Variants in SLC9A7 observed in about 807,000 individuals in gnomAD.
The protein encoded by SLC9A7 is sodium/hydrogen exchanger 7.
Under a neutral mutation model 52.6 loss-of-function variants are expected in SLC9A7, and 19 were observed. That is an observed-to-expected ratio of 0.36 (90% CI 0.25 to 0.53). SLC9A7 has a LOEUF of 0.53. Ranked by LOEUF, SLC9A7 falls within the 20% of genes least tolerant of loss-of-function variation. The probability of loss-of-function intolerance (pLI) is 0.91; values close to 1 mark genes in which losing one functional copy is unlikely to be tolerated. For missense variants in SLC9A7, 455 were observed against 597.9 expected, an observed-to-expected ratio of 0.76 and a Z score of 2.49; for synonymous variants, 226 against 252.1, an observed-to-expected ratio of 0.90 and a Z score of 0.98.
intron 7 of SLC9A7, among the ~76,000 whole-genome samples, chrX:46,657,152 C>T (rs935082473): frequency 9.1e-6 from 1 of 110,286 alleles, no homozygotes; most frequent in African/African-American, 3.3e-5. Context: ...AAATAAAATA[C>T]TTTATAGACA....
Position 46,662,093 on chromosome X carries a change from T to TA in SLC9A7, c.963dup (p.Lys322Ter). ...ATACCTAGAAAAATGCCAACTGACTTAAAAAAGGCAGCAGCATCAAAGGCG... is the reference window on the plus strand; with the variant it reads ...ATACCTAGAAAAATGCCAACTGACTTAAAAAAAGGCAGCAGCATCAAAGGCG... On this transcript the variant is annotated frameshift_variant, in exon 7 of 17. Transcript: ENST00000616978. LOFTEE classifies it high-confidence loss of function. 1 of 1,208,159 alleles carries TA rather than the reference T, an allele frequency of 8.3e-7. No individual in the cohort carries two copies. Among genetic ancestry groups the TA allele is most frequent in the Non-Finnish European group, 1.1e-6 (1 of 893,220 alleles).
chrX:46,651,474 G>C lies in SLC9A7; in HGVS notation c.1148-70C>G, dbSNP rs770229593. 37 of 888,678 alleles carry C rather than the reference G, an allele frequency of 4.2e-5. No individual in the cohort carries two copies. In the African/African-American group the frequency reaches 7.1e-4, roughly 17 times the overall value. The allele number at this position is 888,678 out of a possible 1,213,427, so 73.2% of individuals were successfully genotyped here. ...GCAGGGGAAAAAAAAAACCCTGCTA[G>C]AACAAAAAGTTAAGGTAGGCAAGCC... On this transcript the variant is annotated intron_variant, in intron 8 of 16. Transcript: ENST00000616978.
chrX:46,653,641 G>A lies in SLC9A7; in HGVS notation c.1115C>T (p.Thr372Met). 1 of 1,210,083 alleles carries A rather than the reference G, an allele frequency of 8.3e-7. No individual in the cohort carries two copies. Among genetic ancestry groups the A allele is most frequent in the Non-Finnish European group, 1.1e-6 (1 of 894,432 alleles). Reference sequence around the variant, plus strand: ...TCCGCAGGCTTCTGCCAAGAGAAACGTGCTCCAGGACATGAGGAAGAACAG... The same window carrying A: ...TCCGCAGGCTTCTGCCAAGAGAAACATGCTCCAGGACATGAGGAAGAACAG... ...TALFFLMSWS[T>M]FLLAEACGFT... is the part of the protein sequence containing the mutation. Residue 372 changes from threonine (T) to methionine (M), a missense_variant, in exon 8 of 17, where the codon ACG becomes ATG. By Grantham distance (81) the Thr-to-Met change is moderately conservative. This residue lies in a region of SLC9A7 where 304 missense variants were observed against 417.8 expected (regional missense o/e 0.73). Transcript: ENST00000616978.
chrX:46,725,876 T>C (rs1286154228), intron 1 of SLC9A7: 1 of 452,423 alleles, frequency 2.2e-6, no homozygotes, highest in Non-Finnish European at 4.0e-6. Context: ...CACTTATTTC[T>C]TATGAGGAAA....
intron 1 of SLC9A7, among the ~76,000 whole-genome samples, chrX:46,683,823 A>G (rs1228547542): frequency 8.9e-6 from 1 of 112,518 alleles, no homozygotes; most frequent in East Asian, 2.8e-4. Flanking sequence ...ACAGAATGAT[A>G]TATTTGCTTC....
intron 3 of SLC9A7, among the ~76,000 whole-genome samples, chrX:46,675,108 T>C (rs1427768695): frequency 2.1e-5 from 2 of 96,148 alleles, no homozygotes; most frequent in Non-Finnish European, 4.0e-5. Context: ...TGTGTGTGTG[T>C]GTGTGTGTGT....
chrX:46,753,499 T>C (rs1477253412), intron 1 of SLC9A7, among the ~76,000 whole-genome samples: 1 of 112,069 alleles, frequency 8.9e-6, no homozygotes, highest in Non-Finnish European at 1.9e-5. Flanking sequence ...AAAGGACATC[T>C]CAAAACACCT....
intron 10 of SLC9A7, among the ~76,000 whole-genome samples, chrX:46,650,097 C>T (rs1943558068): frequency 8.9e-6 from 1 of 112,327 alleles, no homozygotes; most frequent in Non-Finnish European, 1.9e-5. Context: ...TTGCATTAGG[C>T]CACTGTCACT....
At chrX:46,633,066 A>G (rs12014547) in intron 13 of SLC9A7, among the ~76,000 whole-genome samples, 6 of 109,264 alleles carry the variant, frequency 5.5e-5, no homozygotes, top group Middle Eastern at 4.7e-3. Flanking sequence ...AACACTGGGC[A>G]ATGGGGGAAA....
chrX:46,637,607 G>A (rs746018355), intron 12 of SLC9A7, among the ~76,000 whole-genome samples: 8 of 111,399 alleles, frequency 7.2e-5, no homozygotes, highest in South Asian at 3.8e-4. Flanking sequence ...CCACCATTTC[G>A]TGTGTGTTAC....
rs761375678 is a variant in SLC9A7 at position 46,604,792 on chromosome X, T to C, written c.*2160A>G. 1 of 112,601 alleles carries C rather than the reference T, an allele frequency of 8.9e-6. No individual in the cohort carries two copies. The highest frequency in any genetic ancestry group is 2.8e-4 in the East Asian group (1 of 3,622). 9.3% of individuals were successfully genotyped at this position (112,601 alleles called of 1,213,427 possible). A position where few individuals can be genotyped will look rare whatever the true frequency, so the allele number is the denominator to read the frequency against. On this transcript the variant is annotated 3_prime_UTR_variant, in exon 17 of 17. Transcript: ENST00000616978. ...CTCCTGTTTTTACAAAATGGTCGAA[T>C]ATCAGCAAACTCATATGGCTCAACC...
chrX:46,748,364 A>AAAGG (rs57555325), intron 1 of SLC9A7, among the ~76,000 whole-genome samples: 3,931 of 51,170 alleles, frequency 0.077, 260 homozygotes, highest in East Asian at 0.2. Flanking sequence ...AAAAAGAAAG[A>AAAGG]AAGGAAGGAA....
chrX:46,682,250 G>T, intron 2 of SLC9A7, 86 bp downstream of exon 2: 2 of 908,941 alleles, frequency 2.2e-6, no homozygotes, highest in Non-Finnish European at 3.2e-6. Flanking sequence ...CCAGGAGTTT[G>T]GAAGGATTTC....
intron 8 of SLC9A7, 61 bp from the exon 9 acceptor site, chrX:46,651,465 A>C (rs1487516276): frequency 5.4e-5 from 51 of 943,833 alleles, no homozygotes; most frequent in Non-Finnish European, 7.2e-5. Flanking sequence ...GAAAAAAAAA[A>C]CCCTGCTAGA....
chrX:46,710,292 G>A (rs756335151), intron 1 of SLC9A7, among the ~76,000 whole-genome samples: 1 of 112,067 alleles, frequency 8.9e-6, no homozygotes, highest in South Asian at 3.7e-4. Context: ...TGGGAAGACA[G>A]AAGGACTGCC....
At chrX:46,658,649 T>C (rs1406948672) in intron 7 of SLC9A7, among the ~76,000 whole-genome samples, 1 of 110,921 alleles carries the variant, frequency 9.0e-6, no homozygotes, top group East Asian at 2.8e-4. Flanking sequence ...CCTCGACACA[T>C]ACACTCTCCC....
rs138389610 is a variant in SLC9A7 at position 46,750,868 on chromosome X, T to C, written c.325+7837A>G. Among the ~76,000 whole-genome samples, 5 of 112,711 alleles carry C rather than the reference T, an allele frequency of 4.4e-5. No homozygotes were observed. In the East Asian group the frequency reaches 1.4e-3, roughly 31 times the overall value. On this transcript the variant is annotated intron_variant, in intron 1 of 16. Transcript: ENST00000616978. ...TGGAAGCAACCAAGATGTCCTTCAG[T>C]GTCCTTTACATTTGTATGTAAACTG...
chrX:46,667,820 A>C (rs1277943646), intron 5 of SLC9A7, among the ~76,000 whole-genome samples: 1 of 112,433 alleles, frequency 8.9e-6, no homozygotes, highest in Non-Finnish European at 1.9e-5. Flanking sequence ...GATGACACTA[A>C]GGAAGAGAAT....
At chrX:46,713,166 C>CA (rs1349820577) in intron 1 of SLC9A7, among the ~76,000 whole-genome samples, 2 of 111,488 alleles carry the variant, frequency 1.8e-5, no homozygotes, top group Non-Finnish European at 3.8e-5. Flanking sequence ...GGTCAATTAG[C>CA]AAAAAAGGAT....
Sources: allele counts gnomAD v4.1 joint callset (sites outside exome capture counted in the v4.1 genomes callset), GRCh38; gene constraint gnomAD v4.1.1; regional missense constraint gnomAD v4.1.1; transcripts MANE v1.5; gene names NCBI Gene and HGNC (gene_info 2026-07-23, HGNC 2026-07-21).